Variants in CCDC6 observed in about 807,000 individuals in gnomAD.
The protein encoded by CCDC6 is coiled-coil domain containing 6.
In CCDC6, 20 loss-of-function variants were observed where a neutral mutation model predicts 56.6. That is an observed-to-expected ratio of 0.35 (90% CI 0.25 to 0.51). The LOEUF is 0.51. Among genes scored for constraint, CCDC6 ranks in the 20% least tolerant of loss-of-function variants. The probability of loss-of-function intolerance (pLI) is 0.95; values close to 1 mark genes in which losing one functional copy is unlikely to be tolerated. For synonymous variants in CCDC6, 241 were observed against 234.4 expected (o/e 1.03, Z -0.26); for missense variants, 367 against 601.1 (o/e 0.61, Z 4.07).
chr10:59,801,634 T>C (rs550794630), intron 7 of CCDC6, among the ~76,000 whole-genome samples: 1 of 152,344 alleles, frequency 6.6e-6, no homozygotes, highest in South Asian at 2.1e-4. Flanking sequence ...GGATGGAATA[T>C]CTACGTATAT....
At chr10:59,876,589 G>GAA (rs10714988) in intron 1 of CCDC6, among the ~76,000 whole-genome samples, 54 of 101,592 alleles carry the variant, frequency 5.3e-4, no homozygotes, top group East Asian at 2.5e-3. Flanking sequence ...TGTTAAGGGG[G>GAA]AAAAAAAAAA....
chr10:59,865,227 G>A (rs900313118), intron 1 of CCDC6, among the ~76,000 whole-genome samples: 4 of 152,310 alleles, frequency 2.6e-5, no homozygotes, highest in South Asian at 2.1e-4. Flanking sequence ...CATTCCAACA[G>A]CTATACATGC....
intron 1 of CCDC6, among the ~76,000 whole-genome samples, chr10:59,856,982 AT>A (rs1393437934): frequency 6.6e-6 from 1 of 152,160 alleles, no homozygotes; most frequent in Non-Finnish European, 1.5e-5. Context: ...AATTTATGAT[AT>A]TTTCCTGTTC....
At chr10:59,810,653 A>T (rs7075215) in intron 5 of CCDC6, among the ~76,000 whole-genome samples, 73,315 of 151,940 alleles carry the variant, frequency 0.48, 18,557 homozygotes, top group African/African-American at 0.64. Context: ...ATAGTAATTA[A>T]CAACCTGAGG....
At chr10:59,905,716 G>A (rs1180996977) in intron 1 of CCDC6, among the ~76,000 whole-genome samples, 1 of 152,110 alleles carries the variant, frequency 6.6e-6, no homozygotes, top group African/African-American at 2.4e-5. Flanking sequence ...AGAGATCCCA[G>A]CTTCCTCCCT....
At chr10:59,898,009 T>C (rs76843195) in intron 1 of CCDC6, among the ~76,000 whole-genome samples, 2 of 152,342 alleles carry the variant, frequency 1.3e-5, no homozygotes, top group African/African-American at 4.8e-5. Context: ...CTGGAACAGA[T>C]GCATGGAAGA....
chr10:59,841,447 T>C (rs537472655), intron 2 of CCDC6, among the ~76,000 whole-genome samples: 1 of 152,314 alleles, frequency 6.6e-6, no homozygotes, highest in East Asian at 1.9e-4. Context: ...TTATTGCTGG[T>C]ACACAGAAAT....
chr10:59,800,312 C>T (rs1437381713), intron 7 of CCDC6, among the ~76,000 whole-genome samples: 23 of 152,330 alleles, frequency 1.5e-4, no homozygotes, highest in Admixed American at 1.2e-3. Flanking sequence ...CATCCTTATC[C>T]TTCTACTACT....
At chr10:59,819,204 T>C (rs1330127272) in intron 3 of CCDC6, among the ~76,000 whole-genome samples, 1 of 152,212 alleles carries the variant, frequency 6.6e-6, no homozygotes, top group Admixed American at 6.5e-5. Context: ...TTGATTTTCA[T>C]ATATGTTGTT....
At chr10:59,806,189 G>A (rs2070620639) in intron 6 of CCDC6, among the ~76,000 whole-genome samples, 2 of 152,198 alleles carry the variant, frequency 1.3e-5, no homozygotes, top group South Asian at 4.1e-4. Flanking sequence ...TTTCTCTGCA[G>A]ATTGAACATC....
chr10:59,797,802 A>G (rs1215171522), intron 7 of CCDC6, among the ~76,000 whole-genome samples: 1 of 152,078 alleles, frequency 6.6e-6, no homozygotes, highest in Non-Finnish European at 1.5e-5. Context: ...GTTCCCTAAA[A>G]GAACCTGGTA....
chr10:59,794,822 T>C (rs183402759), intron 7 of CCDC6, among the ~76,000 whole-genome samples: 21 of 152,252 alleles, frequency 1.4e-4, no homozygotes, highest in African/African-American at 5.1e-4. Flanking sequence ...TATGGTCAAC[T>C]GATCTTCAAA....
chr10:59,797,623 CAAG>C (rs1340468486), intron 7 of CCDC6, among the ~76,000 whole-genome samples: 10 of 65,380 alleles, frequency 1.5e-4, no homozygotes, highest in South Asian at 5.4e-4. Context: ...AAAAAATCAA[CAAG>C]AAGAAGACAG....
rs145134852 is a variant in CCDC6, at chr10:59,850,606, T to C, written c.453+1947A>G. 4.7e-3 allele frequency among the ~76,000 whole-genome samples: 721 copies of C among 152,326 alleles called. 4 individuals carry two copies. Among genetic ancestry groups the C allele is most frequent in the African/African-American group, 0.017 (701 of 41,582 alleles). On this transcript the variant is annotated intron_variant, in intron 2 of 8. Coordinates refer to ENST00000263102, the MANE Select transcript of CCDC6 (RefSeq NM_005436.5). Reference sequence around the variant, plus strand: ...ACACATTGTATACCACTTTTGGAAATAACAGTTTATTTTGTTCAGTTTATA... The same window carrying C: ...ACACATTGTATACCACTTTTGGAAACAACAGTTTATTTTGTTCAGTTTATA...
intron 7 of CCDC6, 27 bp from the exon 8 acceptor site, chr10:59,794,624 C>A: frequency 6.2e-7 from 1 of 1,609,866 alleles, no homozygotes; most frequent in South Asian, 1.1e-5. Flanking sequence ...AATTAAGTAT[C>A]ATTTTAAGCT....
chr10:59,831,854 C>T (rs2070837825), intron 3 of CCDC6, among the ~76,000 whole-genome samples: 2 of 152,354 alleles, frequency 1.3e-5, no homozygotes, highest in South Asian at 4.1e-4. Flanking sequence ...ACACCAATGC[C>T]TGCTGAGGGC....
chr10:59,892,759 A>G (rs1423887116), intron 1 of CCDC6, among the ~76,000 whole-genome samples: 1 of 152,190 alleles, frequency 6.6e-6, no homozygotes, highest in Non-Finnish European at 1.5e-5. Flanking sequence ...TGTTAACTCT[A>G]CAGTCTCTCA....
chr10:59,870,806 A>G (rs1048419005), intron 1 of CCDC6, among the ~76,000 whole-genome samples: 18 of 152,228 alleles, frequency 1.2e-4, no homozygotes, highest in African/African-American at 4.3e-4. Context: ...CAAGGCTAAC[A>G]TCCCGCAAGA....
chr10:59,878,464 T>C (rs561756911), intron 1 of CCDC6, among the ~76,000 whole-genome samples: 13 of 152,334 alleles, frequency 8.5e-5, no homozygotes, highest in African/African-American at 3.1e-4. Context: ...GCCATTTATA[T>C]CAGCCAGTTT....
Sources: allele counts gnomAD v4.1 joint callset (sites outside exome capture counted in the v4.1 genomes callset), GRCh38; gene constraint gnomAD v4.1.1; transcripts MANE v1.5; gene names NCBI Gene and HGNC (gene_info 2026-07-23, HGNC 2026-07-21).